NEGR1: variants seen among roughly 807,000 people sequenced by gnomAD.
The protein encoded by NEGR1 is IgLON family member 4.
NEGR1 carries 10 observed loss-of-function variants against 40.9 expected under a neutral mutation model. The observed-to-expected ratio is 0.24, with a 90% CI of 0.15 to 0.42. The LOEUF is 0.42. NEGR1 is among the 10% of genes least tolerant of loss of function. The probability of loss-of-function intolerance (pLI) is 1.00; values close to 1 mark genes in which losing one functional copy is unlikely to be tolerated. For synonymous variants in NEGR1, 185 were observed against 166.8 expected (o/e 1.11, Z -0.84); for missense variants, 352 against 438.9 (o/e 0.80, Z 1.77).
chr1:72,007,468 G>A (rs1385915), intron 1 of NEGR1, among the ~76,000 whole-genome samples: 47,848 of 151,640 alleles, frequency 0.32, 8,625 homozygotes, highest in African/African-American at 0.49. Context: ...AGCTCACTTG[G>A]TTGGCAGCAG....
intron 1 of NEGR1, among the ~76,000 whole-genome samples, chr1:71,936,188 T>C (rs1399526632): frequency 6.6e-6 from 1 of 152,216 alleles, no homozygotes; most frequent in East Asian, 1.9e-4. Context: ...GATAAAACTA[T>C]AAACTATGTT....
chr1:71,898,866 A>AAT (rs1224009596), intron 2 of NEGR1, among the ~76,000 whole-genome samples: 10 of 135,630 alleles, frequency 7.4e-5, no homozygotes, highest in South Asian at 2.3e-4. Flanking sequence ...ATATATTGCA[A>AAT]ATATATATAT....
chr1:71,927,521 C>T (rs553072485), intron 2 of NEGR1, among the ~76,000 whole-genome samples: 2 of 152,160 alleles, frequency 1.3e-5, no homozygotes, highest in South Asian at 2.1e-4. Flanking sequence ...TCTAAGATCA[C>T]GAATGACACC....
chr1:71,865,683 T>C (rs1374381012), intron 2 of NEGR1, among the ~76,000 whole-genome samples: 1 of 152,120 alleles, frequency 6.6e-6, no homozygotes, highest in Admixed American at 6.6e-5. Context: ...CAAACTACCA[T>C]GGAACATGTA....
intron 5 of NEGR1, among the ~76,000 whole-genome samples, chr1:71,597,456 C>CTGTG (rs1451348586): frequency 4.7e-5 from 3 of 63,218 alleles, no homozygotes; most frequent in African/African-American, 1.7e-4. Context: ...CTCTCTCTCT[C>CTGTG]TCTCTCTCTC....
intron 4 of NEGR1, among the ~76,000 whole-genome samples, chr1:71,673,899 C>A (rs1472425135): frequency 6.6e-6 from 1 of 151,776 alleles, no homozygotes; most frequent in South Asian, 2.1e-4. Flanking sequence ...GACATGTGGA[C>A]GAATTACAGA....
chr1:72,066,848 C>T (rs1017735234), intron 1 of NEGR1, among the ~76,000 whole-genome samples: 4 of 151,954 alleles, frequency 2.6e-5, no homozygotes, highest in East Asian at 1.9e-4. Flanking sequence ...AGACACTGAC[C>T]GAGTCAAAAA....
intron 1 of NEGR1, among the ~76,000 whole-genome samples, chr1:72,236,354 C>T (rs1473920717): frequency 1.3e-5 from 2 of 151,942 alleles, no homozygotes; most frequent in Admixed American, 1.3e-4. Flanking sequence ...ATAGGTGCAG[C>T]AAACCACATG....
chr1:71,746,530 G>A (rs1257404142), intron 3 of NEGR1, among the ~76,000 whole-genome samples: 4 of 151,592 alleles, frequency 2.6e-5, no homozygotes, highest in Non-Finnish European at 4.4e-5. Context: ...CATTATGTAA[G>A]TCCTTAAGTG....
At chr1:72,063,069 T>A (rs926312559) in intron 1 of NEGR1, among the ~76,000 whole-genome samples, 34 of 151,780 alleles carry the variant, frequency 2.2e-4, no homozygotes, top group African/African-American at 7.3e-4. Context: ...GAATAGATTA[T>A]GATATAGTAT....
At chr1:72,258,527 A>T (rs1655351713) in intron 1 of NEGR1, among the ~76,000 whole-genome samples, 1 of 152,192 alleles carries the variant, frequency 6.6e-6, no homozygotes, top group Admixed American at 6.5e-5. Flanking sequence ...AGAAGAAAAG[A>T]AGAAATACAT....
intron 4 of NEGR1, among the ~76,000 whole-genome samples, chr1:71,628,679 C>A (rs752433619): frequency 1.3e-5 from 2 of 151,536 alleles, no homozygotes; most frequent in Non-Finnish European, 2.9e-5. Context: ...GTTTTCTGTT[C>A]CTGTATTAGT....
chr1:71,556,165 T>G lies in NEGR1; in HGVS notation c.940+36652A>C, dbSNP rs375512603. On this transcript the variant is annotated intron_variant, in intron 6 of 6. Transcript: ENST00000357731. ...GATGTATTCTGAGTACTCAGATTCA[T>G]CAAACTTTAATGCACAATAGCAATC... is the stretch of plus-strand genomic sequence containing the variant. Among the ~76,000 whole-genome samples the G allele has an allele frequency of 3.4e-4, 52 of 151,670 alleles. No individual in the cohort carries two copies. The South Asian group carries it at 9.8e-3, about 28-fold the overall frequency.
At chr1:72,057,012 A>T (rs1242570891) in intron 1 of NEGR1, among the ~76,000 whole-genome samples, 3 of 151,478 alleles carry the variant, frequency 2.0e-5, no homozygotes, top group Non-Finnish European at 4.4e-5. Context: ...TTGTGTCCCC[A>T]AAGTACTTGA....
chr1:72,093,126 A>G (rs1648559568), intron 1 of NEGR1, among the ~76,000 whole-genome samples: 2 of 152,064 alleles, frequency 1.3e-5, no homozygotes, highest in African/African-American at 4.8e-5. Flanking sequence ...AGGTCAGGAC[A>G]TCGAGATCAT....
intron 6 of NEGR1, among the ~76,000 whole-genome samples, chr1:71,470,342 A>G (rs996953255): frequency 2.0e-5 from 3 of 152,118 alleles, no homozygotes; most frequent in Non-Finnish European, 4.4e-5. Flanking sequence ...AGGAGTGGTC[A>G]TTGATAATAT....
intron 6 of NEGR1, among the ~76,000 whole-genome samples, chr1:71,559,044 TAC>T (rs1233954698): frequency 7.2e-4 from 45 of 62,244 alleles, no homozygotes; most frequent in African/African-American, 1.6e-3. Flanking sequence ...TATATATATA[TAC>T]ACATATATAT....
chr1:71,571,787 C>CAA (rs34844215), intron 6 of NEGR1, among the ~76,000 whole-genome samples: 4,776 of 106,074 alleles, frequency 0.045, 158 homozygotes, highest in Non-Finnish European at 0.049. Flanking sequence ...GCCCCTGTCT[C>CAA]AAAAAAAAAA....
At chr1:71,710,857 T>C (rs1374057713) in intron 3 of NEGR1, among the ~76,000 whole-genome samples, 6 of 152,064 alleles carry the variant, frequency 3.9e-5, no homozygotes, top group Non-Finnish European at 8.8e-5. Flanking sequence ...ATAACTTAAT[T>C]GTATATTTTA....
Sources: allele counts gnomAD v4.1 joint callset (sites outside exome capture counted in the v4.1 genomes callset), GRCh38; gene constraint gnomAD v4.1.1; transcripts MANE v1.5; gene names NCBI Gene and HGNC (gene_info 2026-07-23, HGNC 2026-07-21).